The following RASA1 variants were observed in gnomAD, a reference collection of about 807,000 sequenced individuals.
RASA1 encodes RAS p21 protein activator 1.
RASA1 carries 25 observed loss-of-function variants against 132.2 expected under a neutral mutation model. The ratio of observed to expected loss-of-function variants is 0.19; its 90% confidence interval spans 0.14 to 0.26. RASA1 has a LOEUF of 0.26. Ranked by LOEUF, RASA1 falls within the 10% of genes least tolerant of loss-of-function variation. The pLI is 1.00. For missense variants in RASA1, 964 were observed against 1,299.2 expected (o/e 0.74, Z 3.97); for synonymous variants, 477 against 449.9 (o/e 1.06, Z -0.76).
intron 23 of RASA1, among the ~76,000 whole-genome samples, chr5:87,389,014 A>G (rs761334054): frequency 2.6e-5 from 4 of 152,222 alleles, no homozygotes; most frequent in Admixed American, 6.5e-5. Flanking sequence ...TGTGAATACA[A>G]AGGTTACAAA....
intron 9 of RASA1, 21 bp from the exon 10 acceptor site, chr5:87,362,530 T>C: frequency 1.9e-6 from 3 of 1,576,554 alleles, no homozygotes; most frequent in East Asian, 2.2e-5. Flanking sequence ...TGAAATAATT[T>C]TAATGTTTTT....
intron 9 of RASA1, among the ~76,000 whole-genome samples, chr5:87,356,514 C>T (rs1759663102): frequency 6.6e-6 from 1 of 151,954 alleles, no homozygotes; most frequent in African/African-American, 2.4e-5. Flanking sequence ...CTCAGGCTCC[C>T]CAGTAGCTAG....
intron 10 of RASA1, 67 bp downstream of exon 10, chr5:87,362,738 T>C (rs547026544): frequency 9.1e-5 from 138 of 1,519,178 alleles, no homozygotes; most frequent in Non-Finnish European, 1.1e-4. Context: ...TCCGAACTTA[T>C]TGTGATATAT....
At chr5:87,299,548 T>G (rs764342126) in intron 1 of RASA1, 5 of 152,144 alleles carry the variant, frequency 3.3e-5, no homozygotes, top group African/African-American at 4.8e-5. Context: ...TGTCTATATG[T>G]AAGGTACACA....
chr5:87,389,653 A>C (rs1421950894), intron 24 of RASA1, 126 bp downstream of exon 24: 1 of 1,245,080 alleles, frequency 8.0e-7, no homozygotes, highest in Admixed American at 1.9e-5. Context: ...TCTGCATCAT[A>C]TTACAAAAGA....
chr5:87,344,768 C>T (rs943870794), intron 6 of RASA1, among the ~76,000 whole-genome samples: 1 of 151,236 alleles, frequency 6.6e-6, no homozygotes, highest in Non-Finnish European at 1.5e-5. Flanking sequence ...ATCCTCCCAC[C>T]TTGGCCTTCC....
At chr5:87,279,831 G>A (rs1754233012) in intron 1 of RASA1, among the ~76,000 whole-genome samples, 1 of 152,192 alleles carries the variant, frequency 6.6e-6, no homozygotes, top group Admixed American at 6.5e-5. Flanking sequence ...ATTGGCTCAT[G>A]CCATTACAAA....
chr5:87,343,452 G>A (rs987851890), intron 6 of RASA1, among the ~76,000 whole-genome samples: 8 of 151,984 alleles, frequency 5.3e-5, no homozygotes, highest in Non-Finnish European at 1.0e-4. Flanking sequence ...CTGCCAGCAG[G>A]TATATGAAAA....
At chr5:87,298,726 TG>T (rs2112280289) in intron 1 of RASA1, among the ~76,000 whole-genome samples, 1 of 152,312 alleles carries the variant, frequency 6.6e-6, no homozygotes, top group African/African-American at 2.4e-5. Context: ...TGAAAGTAAA[TG>T]ATGCTTTATT....
chr5:87,272,927 G>A (rs902251313), intron 1 of RASA1, among the ~76,000 whole-genome samples: 3 of 152,278 alleles, frequency 2.0e-5, no homozygotes, highest in African/African-American at 7.2e-5. Flanking sequence ...TTTATCTTTT[G>A]TAAAAGTATT....
chr5:87,280,617 A>C (rs1225412456), intron 1 of RASA1, among the ~76,000 whole-genome samples: 2 of 152,122 alleles, frequency 1.3e-5, no homozygotes, highest in Non-Finnish European at 2.9e-5. Context: ...CCAGCTTGAA[A>C]AATCTTTTCA....
In RASA1 at chr5:87,391,524, C is replaced by T. The variant is rs1181686322; in HGVS notation, c.*641C>T. 2 of 236,798 alleles carry T rather than the reference C, an allele frequency of 8.4e-6. No homozygotes were observed. The highest frequency in any genetic ancestry group is 1.7e-4 in the South Asian group (1 of 6,034). 14.7% of individuals were successfully genotyped at this position (236,798 alleles called of 1,614,324 possible). ...TCATCAGCTTTATTTTTTAAACATA[C>T]GACTTATTTTGTTGAAATTGTCAAA... On this transcript the variant is annotated 3_prime_UTR_variant, in exon 25 of 25. Transcript: ENST00000274376.
chr5:87,360,022 T>C (rs541987069), intron 9 of RASA1, among the ~76,000 whole-genome samples: 4 of 152,190 alleles, frequency 2.6e-5, no homozygotes, highest in South Asian at 4.1e-4. Context: ...GTAATTACTT[T>C]GGTTCTTCTT....
intron 1 of RASA1, among the ~76,000 whole-genome samples, chr5:87,271,349 A>G (rs1445926660): frequency 5.9e-5 from 9 of 152,006 alleles, no homozygotes; most frequent in East Asian, 1.9e-4. Context: ...ATGAAAAACA[A>G]TGCAACTTTT....
intron 21 of RASA1, 79 bp downstream of exon 21, chr5:87,383,859 CTT>C (rs370865130): frequency 0.014 from 11,707 of 861,584 alleles, no homozygotes; most frequent in South Asian, 0.016. Context: ...ACTCTTAAAT[CTT>C]TTTTTTTTTT....
At chr5:87,375,046 T>G in intron 15 of RASA1, 130 bp downstream of exon 15, 1 of 1,220,190 alleles carries the variant, frequency 8.2e-7, no homozygotes. Context: ...GATAGTTTCT[T>G]TCTGTACTTC....
intron 1 of RASA1, among the ~76,000 whole-genome samples, chr5:87,301,899 T>C (rs2112286069): frequency 6.6e-6 from 1 of 152,314 alleles, no homozygotes; most frequent in Non-Finnish European, 1.5e-5. Context: ...CCATTGCTTG[T>C]GTTACATTGT....
chr5:87,340,261 G>GTC (rs1426347176), intron 5 of RASA1, among the ~76,000 whole-genome samples: 1 of 152,080 alleles, frequency 6.6e-6, no homozygotes, highest in Non-Finnish European at 1.5e-5. Flanking sequence ...CCTTTCTGGA[G>GTC]TCTCTTAGGC....
At chr5:87,365,194 C>T (rs1029231417) in intron 11 of RASA1, among the ~76,000 whole-genome samples, 1 of 152,010 alleles carries the variant, frequency 6.6e-6, no homozygotes, top group Non-Finnish European at 1.5e-5. Flanking sequence ...TAGGTGTCCC[C>T]TGAGATACTA....
Sources: allele counts gnomAD v4.1 joint callset (sites outside exome capture counted in the v4.1 genomes callset), GRCh38; gene constraint gnomAD v4.1.1; transcripts MANE v1.5; gene names NCBI Gene and HGNC (gene_info 2026-07-23, HGNC 2026-07-21).